CDH13: variants seen among roughly 807,000 people sequenced by gnomAD.
CDH13 encodes the protein cadherin 13.
Under a neutral mutation model 63.8 loss-of-function variants are expected in CDH13, and 24 were observed. That is an observed-to-expected ratio of 0.38 (90% confidence interval 0.27 to 0.53). The LOEUF is 0.53. Ranked by LOEUF, CDH13 falls within the 20% of genes least tolerant of loss-of-function variation. CDH13 has a pLI of 0.85. For missense variants in CDH13, 1,049 were observed against 903.1 expected (o/e 1.16, Z -2.07); for synonymous variants, 503 against 355.3 (o/e 1.42, Z -4.67).
intron 5 of CDH13, among the ~76,000 whole-genome samples, chr16:83,253,935 T>C (rs1905899449): frequency 6.6e-6 from 1 of 152,302 alleles, no homozygotes; most frequent in South Asian, 2.1e-4. Context: ...TGGGATTTAA[T>C]GTTCCCAAAC....
Position 83,795,154 on chromosome 16 carries a change from C to A in CDH13, c.*124C>A. ...CTTCACAACTAGGCCTCAATTGTTCCGGTTTTTTATTTTCTTTACAATTTC... is the reference window on the plus strand; with the variant it reads ...CTTCACAACTAGGCCTCAATTGTTCAGGTTTTTTATTTTCTTTACAATTTC... On this transcript the variant is annotated 3_prime_UTR_variant, in exon 14 of 14. Transcript: ENST00000567109. The A allele has an allele frequency of 1.4e-6, 1 of 734,982 alleles. No homozygotes were observed. The highest frequency in any genetic ancestry group is 2.2e-6 in the Non-Finnish European group (1 of 448,254). 45.5% of individuals were successfully genotyped at this position (734,982 alleles called of 1,614,324 possible).
intron 8 of CDH13, among the ~76,000 whole-genome samples, chr16:83,604,999 A>G (rs1908192381): frequency 6.6e-6 from 1 of 152,260 alleles, no homozygotes; most frequent in Non-Finnish European, 1.5e-5. Context: ...ATTCCACAAT[A>G]TCATATTGAT....
chr16:83,374,075 C>T (rs946452059), intron 6 of CDH13, among the ~76,000 whole-genome samples: 3 of 152,192 alleles, frequency 2.0e-5, no homozygotes, highest in Non-Finnish European at 4.4e-5. Context: ...TAAAGGGTCA[C>T]ACTAATGATG....
intron 5 of CDH13, among the ~76,000 whole-genome samples, chr16:83,292,580 G>C (rs145492271): frequency 6.6e-6 from 1 of 152,038 alleles, no homozygotes; most frequent in Non-Finnish European, 1.5e-5. Flanking sequence ...CAAATCAAGC[G>C]GTAGGAGCTA....
chr16:82,652,398 C>G (rs558169369), intron 1 of CDH13, among the ~76,000 whole-genome samples: 3 of 152,276 alleles, frequency 2.0e-5, no homozygotes, highest in African/African-American at 7.2e-5. Context: ...AACGACCTCT[C>G]GTTATATATC....
chr16:83,357,553 G>T lies in CDH13; in HGVS notation c.781+12547G>T, dbSNP rs1052212603. Reference sequence around the variant, plus strand: ...GTTTGCTGATTTCAGACACCATGGAGCAGTGGTCCAAGTTTGAATGATTTT... The same window carrying T: ...GTTTGCTGATTTCAGACACCATGGATCAGTGGTCCAAGTTTGAATGATTTT... On this transcript the variant is annotated intron_variant, in intron 6 of 13. Transcript: ENST00000567109. Among the ~76,000 whole-genome samples the T allele has an allele frequency of 2.6e-5, 4 of 152,152 alleles. No individual in the cohort carries two copies. The South Asian group carries it at 8.3e-4, about 32-fold the overall frequency.
intron 6 of CDH13, among the ~76,000 whole-genome samples, chr16:83,408,397 A>G (rs1346524906): frequency 1.3e-5 from 2 of 152,148 alleles, no homozygotes; most frequent in African/African-American, 2.4e-5. Flanking sequence ...GCAAATCTAG[A>G]TGGTATATTC....
At chr16:83,223,506 A>T (rs996975083) in intron 5 of CDH13, among the ~76,000 whole-genome samples, 1 of 152,224 alleles carries the variant, frequency 6.6e-6, no homozygotes, top group Admixed American at 6.5e-5. Context: ...CAAAGAGTCA[A>T]GGTCGCTGCT....
intron 6 of CDH13, among the ~76,000 whole-genome samples, chr16:83,439,667 A>G (rs908994099): frequency 2.0e-5 from 3 of 152,176 alleles, no homozygotes; most frequent in Non-Finnish European, 4.4e-5. Context: ...TTCATGCATA[A>G]TTACGGAATG....
intron 1 of CDH13, among the ~76,000 whole-genome samples, chr16:82,822,897 C>T (rs1400711131): frequency 6.6e-6 from 1 of 152,178 alleles, no homozygotes; most frequent in Admixed American, 6.5e-5. Context: ...AGGTGGATCT[C>T]AGGGTTTCTG....
chr16:82,811,923 A>G (rs1045091996), intron 1 of CDH13, among the ~76,000 whole-genome samples: 5 of 152,152 alleles, frequency 3.3e-5, no homozygotes, highest in Non-Finnish European at 7.4e-5. Flanking sequence ...GTTGAGTTTG[A>G]AGTGCCTTTT....
chr16:83,116,538 A>G (rs952687509), intron 3 of CDH13, among the ~76,000 whole-genome samples: 2 of 131,948 alleles, frequency 1.5e-5, no homozygotes, highest in African/African-American at 5.1e-5. Context: ...GGTGAAGTTC[A>G]TGGAAATATT....
intron 7 of CDH13, among the ~76,000 whole-genome samples, chr16:83,553,445 A>G (rs2075546143): frequency 6.6e-6 from 1 of 152,230 alleles, no homozygotes; most frequent in Non-Finnish European, 1.5e-5. Flanking sequence ...TGTTTTTCTT[A>G]TAACACTGGA....
intron 2 of CDH13, among the ~76,000 whole-genome samples, chr16:82,931,783 C>G (rs2042502965): frequency 6.6e-6 from 1 of 152,120 alleles, no homozygotes; most frequent in Non-Finnish European, 1.5e-5. Flanking sequence ...GACTTATTTA[C>G]TACCAAGAGA....
intron 7 of CDH13, among the ~76,000 whole-genome samples, chr16:83,508,067 G>GGAAGGAAA (rs552885956): frequency 0.21 from 12,804 of 62,426 alleles, 1,199 homozygotes; most frequent in East Asian, 0.44. Flanking sequence ...AAGGAAGGAA[G>GGAAGGAAA]GAAGGAAGGA....
chr16:83,364,780 AAG>A (rs993161712), intron 6 of CDH13, among the ~76,000 whole-genome samples: 2 of 152,120 alleles, frequency 1.3e-5, no homozygotes, highest in Non-Finnish European at 1.5e-5. Context: ...CAGAAGGAAG[AAG>A]AGAGAGAGAG....
intron 1 of CDH13, among the ~76,000 whole-genome samples, chr16:82,699,451 A>G (rs1358756459): frequency 6.6e-6 from 1 of 152,220 alleles, no homozygotes; most frequent in Non-Finnish European, 1.5e-5. Context: ...GCTGATTTCA[A>G]GGGCAAAGAA....
chr16:83,141,374 C>G (rs558955526), intron 4 of CDH13, among the ~76,000 whole-genome samples: 1 of 152,260 alleles, frequency 6.6e-6, no homozygotes, highest in Admixed American at 6.5e-5. Context: ...TTTTAGGAGC[C>G]TCAGCATAAG....
intron 5 of CDH13, among the ~76,000 whole-genome samples, chr16:83,226,975 G>A (rs1339585303): frequency 6.6e-6 from 1 of 152,208 alleles, no homozygotes; most frequent in Non-Finnish European, 1.5e-5. Flanking sequence ...AAGTGCATTA[G>A]TGGTGTGGAC....
Sources: gnomAD v4.1 joint callset for allele counts (sites outside exome capture counted in the v4.1 genomes callset) on GRCh38, gnomAD v4.1.1 for gene constraint, MANE v1.5 for transcripts, NCBI Gene and HGNC (gene_info 2026-07-23, HGNC 2026-07-21) for gene names.